Variants in ATRNL1 observed in about 807,000 individuals in gnomAD.
ATRNL1 encodes attractin-like protein 1.
In ATRNL1, 95 loss-of-function variants were observed where a neutral mutation model predicts 182.7. That is an observed-to-expected ratio of 0.52 (90% CI 0.44 to 0.62). The LOEUF is 0.62. Among genes scored for constraint, ATRNL1 ranks in the 20% least tolerant of loss-of-function variants. ATRNL1 has a pLI of 0.00. For synonymous variants in ATRNL1, 576 were observed against 568.3 expected, an observed-to-expected ratio of 1.01 and a Z score of -0.19; for missense variants, 1,471 against 1,679.5, an observed-to-expected ratio of 0.88 and a Z score of 2.17.
At chr10:115,924,606 A>G (rs193120324) in intron 28 of ATRNL1, among the ~76,000 whole-genome samples, 17 of 152,188 alleles carry the variant, frequency 1.1e-4, no homozygotes, top group Admixed American at 7.9e-4. Context: ...CTATTGGTCT[A>G]TATGTCTATT....
chr10:115,177,048 C>T lies in ATRNL1; in HGVS notation c.1348+5756C>T, dbSNP rs150438945. ...TAAAAGGATTGAGCTATAGGGTCCC[C>T]GAATAATAAGAGGTAGGGGAGAAAA... On this transcript the variant is annotated intron_variant, in intron 8 of 28. Coordinates refer to ENST00000355044, the MANE Select transcript of ATRNL1 (RefSeq NM_207303.4). 8.0e-4 allele frequency among the ~76,000 whole-genome samples: 122 copies of T among 151,724 alleles called. 1 individual carries two copies. The East Asian group carries it at 0.021, about 26-fold the overall frequency.
chr10:115,920,820 T>C (rs1382132076), intron 28 of ATRNL1, among the ~76,000 whole-genome samples: 2 of 152,190 alleles, frequency 1.3e-5, no homozygotes, highest in African/African-American at 4.8e-5. Context: ...ACGTAGATAT[T>C]AACACTAAAA....
chr10:115,163,757 T>C (rs1410706232), intron 6 of ATRNL1, among the ~76,000 whole-genome samples: 1 of 152,172 alleles, frequency 6.6e-6, no homozygotes, highest in Non-Finnish European at 1.5e-5. Flanking sequence ...TGTCTGGCCC[T>C]TTACAGAAAT....
At position 115,165,643 on chromosome 10, in the gene ATRNL1, C is replaced by A. The variant is rs782432237; in HGVS notation, c.1090C>A (p.Gln364Lys). ...ATATGGACACTCTCTTGCTTTATATCAGGTATGGCTCCTGCTTTTTAAATT... is the reference window on the plus strand; with the variant it reads ...ATATGGACACTCTCTTGCTTTATATAAGGTATGGCTCCTGCTTTTTAAATT... Reference protein sequence around the residue: ...QRYGHSLALYQENIFMYGGRI... With the variant: ...QRYGHSLALYKENIFMYGGRI... The change falls in exon 7 of 29, where the codon CAG becomes AAG. Residue 364 changes from glutamine (Q) to lysine (K), a missense_variant and splice_region_variant. By Grantham distance (53) the Gln-to-Lys change is moderately conservative. Around this residue, in one of 3 missense-constraint regions of ATRNL1, gnomAD observed 1,031 missense variants for 1,156.0 expected, o/e 0.89. Transcript: ENST00000355044. The A allele has an allele frequency of 1.3e-6, 2 of 1,504,410 alleles. No individual in the cohort carries two copies. The highest frequency in any genetic ancestry group is 1.4e-5 in the South Asian group (1 of 71,656). 93.2% of individuals were successfully genotyped at this position (1,504,410 alleles called of 1,614,324 possible).
intron 8 of ATRNL1, among the ~76,000 whole-genome samples, chr10:115,183,306 G>A (rs1554888135): frequency 6.6e-6 from 1 of 151,156 alleles, no homozygotes; most frequent in East Asian, 1.9e-4. Context: ...AATTCAAAAA[G>A]CTAGAAAAAG....
chr10:115,469,841 G>A (rs1848222083), intron 24 of ATRNL1, among the ~76,000 whole-genome samples: 1 of 150,372 alleles, frequency 6.7e-6, no homozygotes, highest in Non-Finnish European at 1.5e-5. Context: ...ATAGTTAGAG[G>A]TAGTCTACTT....
At chr10:115,881,818 C>T (rs1243214712) in intron 28 of ATRNL1, among the ~76,000 whole-genome samples, 1 of 152,164 alleles carries the variant, frequency 6.6e-6, no homozygotes, top group African/African-American at 2.4e-5. Flanking sequence ...TCCAAGCTCA[C>T]CTGCCCTGCA....
At chr10:115,537,628 A>G (rs1197230100) in intron 25 of ATRNL1, among the ~76,000 whole-genome samples, 1 of 152,182 alleles carries the variant, frequency 6.6e-6, no homozygotes, top group Non-Finnish European at 1.5e-5. Flanking sequence ...AAAGTATACC[A>G]GTCACTTTTT....
rs1446330666 is a variant in ATRNL1 at position 115,223,872 on chromosome 10, AT to A, written c.1532+7993del. On this transcript the variant is annotated intron_variant, in intron 9 of 28. Coordinates refer to ENST00000355044, the MANE Select transcript of ATRNL1 (RefSeq NM_207303.4). Reference sequence around the variant, plus strand: ...GTGTATATATATTTATATATAACATATGTGTATTTAATATATGTGTGTGTGT... The same window carrying A: ...GTGTATATATATTTATATATAACATAGTGTATTTAATATATGTGTGTGTGT... Among the ~76,000 whole-genome samples, 11 of 139,408 alleles carry A rather than the reference AT, an allele frequency of 7.9e-5. No individual in the cohort carries two copies. In the East Asian group the frequency reaches 2.2e-3, roughly 28 times the overall value. 91.5% of individuals were successfully genotyped at this position (139,408 alleles called of 152,430 possible).
chr10:115,133,881 G>T (rs1845381689), intron 5 of ATRNL1, among the ~76,000 whole-genome samples: 1 of 152,028 alleles, frequency 6.6e-6, no homozygotes, highest in African/African-American at 2.4e-5. Flanking sequence ...CTAGAACTCA[G>T]GATTAAGAAA....
chr10:115,471,570 T>C (rs1178008657), intron 24 of ATRNL1, among the ~76,000 whole-genome samples: 1 of 151,182 alleles, frequency 6.6e-6, no homozygotes, highest in African/African-American at 2.4e-5. Context: ...TATTGTGGTT[T>C]TGATTTGCAT....
intron 28 of ATRNL1, among the ~76,000 whole-genome samples, chr10:115,862,880 G>A (rs1265347012): frequency 6.6e-6 from 1 of 152,130 alleles, no homozygotes; most frequent in Non-Finnish European, 1.5e-5. Flanking sequence ...AAAGAACAAG[G>A]AAGACCTTGA....
At chr10:115,565,521 G>A (rs1476149810) in intron 26 of ATRNL1, among the ~76,000 whole-genome samples, 1 of 151,982 alleles carries the variant, frequency 6.6e-6, no homozygotes, top group Non-Finnish European at 1.5e-5. Context: ...TAATGGTACA[G>A]ACTTACGGCA....
chr10:115,578,735 A>G (rs1447232143), intron 26 of ATRNL1, among the ~76,000 whole-genome samples: 1 of 151,134 alleles, frequency 6.6e-6, no homozygotes, highest in African/African-American at 2.4e-5. Flanking sequence ...TTTGATTCCT[A>G]TGCTGGTCTT....
intron 8 of ATRNL1, among the ~76,000 whole-genome samples, chr10:115,215,165 C>G (rs577313390): frequency 6.6e-6 from 1 of 152,036 alleles, no homozygotes; most frequent in Non-Finnish European, 1.5e-5. Flanking sequence ...AATTGTCAAG[C>G]GAGTCTTGGA....
intron 20 of ATRNL1, among the ~76,000 whole-genome samples, chr10:115,422,194 C>T (rs1038235030): frequency 3.9e-5 from 6 of 151,984 alleles, no homozygotes; most frequent in East Asian, 3.9e-4. Flanking sequence ...TGACAAATGG[C>T]GCCTAATTAA....
rs543522693 is a variant in ATRNL1 at position 115,433,068 on chromosome 10, A to G, written c.3322+6766A>G. On this transcript the variant is annotated intron_variant, in intron 21 of 28. Coordinates refer to ENST00000355044, the MANE Select transcript of ATRNL1 (RefSeq NM_207303.4). ...TTAATATACTTCCAAGTAATTGAAC[A>G]CATTTTATTTCATCTTTTACTCTTT... is the stretch of plus-strand genomic sequence containing the variant. 3.3e-5 allele frequency among the ~76,000 whole-genome samples: 5 copies of G among 152,090 alleles called. No individual in the cohort carries two copies. In the South Asian group the frequency reaches 1.0e-3, roughly 31 times the overall value.
At chr10:115,197,982 G>A (rs1554891439) in intron 8 of ATRNL1, among the ~76,000 whole-genome samples, 1 of 152,124 alleles carries the variant, frequency 6.6e-6, no homozygotes, top group Non-Finnish European at 1.5e-5. Context: ...AATGAACATG[G>A]AAATGCAGAT....
At chr10:115,644,547 AGG>A (rs1228539264) in intron 26 of ATRNL1, among the ~76,000 whole-genome samples, 2 of 152,166 alleles carry the variant, frequency 1.3e-5, no homozygotes, top group Non-Finnish European at 2.9e-5. Context: ...TGCCATATAT[AGG>A]GTTGTAAGTC....
Sources: allele counts gnomAD v4.1 joint callset (sites outside exome capture counted in the v4.1 genomes callset), GRCh38; gene constraint gnomAD v4.1.1; regional missense constraint gnomAD v4.1.1; transcripts MANE v1.5; gene names NCBI Gene and HGNC (gene_info 2026-07-23, HGNC 2026-07-21).